DBF4: variants seen among roughly 807,000 people sequenced by gnomAD.
DBF4 encodes the protein DBF4-CDC7 kinase regulatory subunit.
A neutral mutation model predicts 76.6 loss-of-function variants in DBF4; 25 were observed. That is an observed-to-expected ratio of 0.33 (90% CI 0.24 to 0.46). The LOEUF (loss-of-function observed/expected upper bound fraction) is 0.46, where lower values mean the gene tolerates loss of function less well. Ranked by LOEUF, DBF4 falls within the 20% of genes least tolerant of loss-of-function variation. The pLI is 1.00. For missense variants in DBF4, 638 were observed against 760.8 expected, an observed-to-expected ratio of 0.84 and a Z score of 1.90; for synonymous variants, 213 against 258.0, an observed-to-expected ratio of 0.83 and a Z score of 1.67.
At chr7:87,891,601 A>T (rs1030473395) in intron 6 of DBF4, among the ~76,000 whole-genome samples, 5 of 152,146 alleles carry the variant, frequency 3.3e-5, no homozygotes, top group African/African-American at 9.7e-5. Context: ...TAACTTTGTA[A>T]TGTCTATGGG....
chr7:87,881,610 T>A (rs1011731757), intron 2 of DBF4, among the ~76,000 whole-genome samples: 1 of 152,222 alleles, frequency 6.6e-6, no homozygotes, highest in Non-Finnish European at 1.5e-5. Context: ...GATGAAGATT[T>A]GGGCATGTGG....
intron 1 of DBF4, 51 bp downstream of exon 1, chr7:87,876,829 G>C (rs1325913196): frequency 6.3e-7 from 1 of 1,597,150 alleles, no homozygotes; most frequent in Non-Finnish European, 8.6e-7. Context: ...TCCTCCCCTC[G>C]TGGTTCCACC....
intron 6 of DBF4, among the ~76,000 whole-genome samples, chr7:87,895,697 T>C (rs1233876263): frequency 6.6e-6 from 1 of 152,228 alleles, no homozygotes; most frequent in Non-Finnish European, 1.5e-5. Flanking sequence ...TCTAACTTGC[T>C]CTTTTCATGG....
At chr7:87,897,194 T>A in intron 7 of DBF4, 100 bp from the exon 8 acceptor site, 2 of 1,146,706 alleles carry the variant, frequency 1.7e-6, no homozygotes, top group Non-Finnish European at 2.5e-6. Flanking sequence ...GGATACATAG[T>A]TTTTTGTTTG....
chr7:87,903,335 C>A (rs1011350462), intron 10 of DBF4, among the ~76,000 whole-genome samples: 10 of 152,126 alleles, frequency 6.6e-5, no homozygotes, highest in Non-Finnish European at 1.3e-4. Flanking sequence ...CTCCTTGGCT[C>A]CCCAAAGTGC....
chr7:87,890,389 C>T (rs770855356), intron 6 of DBF4, among the ~76,000 whole-genome samples: 6 of 151,966 alleles, frequency 3.9e-5, no homozygotes, highest in African/African-American at 4.8e-5. Context: ...CAAAAATGCC[C>T]GGTGTGGTGG....
At position 87,878,171 on chromosome 7, in the gene DBF4, AC is replaced by A; in HGVS notation, c.167del (p.Pro56LeufsTer81). Reference sequence around the variant, plus strand: ...GGGGAAAAGTATTTTACCTTGACTTACCTTCTGTCACCATATCTGAAAAACT... The same window carrying A: ...GGGGAAAAGTATTTTACCTTGACTTACTTCTGTCACCATATCTGAAAAACT... ...LWGKVFYLDL[P>X]SVTISEKLQK... On this transcript the variant is annotated frameshift_variant, in exon 2 of 12. Transcript: ENST00000265728. LOFTEE classifies it high-confidence loss of function. The A allele has an allele frequency of 6.2e-7, 1 of 1,613,356 alleles. No individual in the cohort carries two copies.
chr7:87,878,457 A>T, intron 2 of DBF4: 1 of 390,138 alleles, frequency 2.6e-6, no homozygotes, highest in Non-Finnish European at 4.6e-6. Context: ...AGAGTGTAAG[A>T]CTCCCCTGTC....
At chr7:87,898,456 C>T (rs968757378) in intron 8 of DBF4, among the ~76,000 whole-genome samples, 6 of 151,924 alleles carry the variant, frequency 3.9e-5, no homozygotes, top group African/African-American at 9.7e-5. Flanking sequence ...AGAATTCATA[C>T]GGAATTGTAA....
intron 10 of DBF4, 96 bp from the exon 11 acceptor site, chr7:87,904,196 T>C (rs1839861648): frequency 2.8e-5 from 37 of 1,310,156 alleles, no homozygotes; most frequent in Non-Finnish European, 3.7e-5. Context: ...GGAAACCTAA[T>C]TTTAGGGGCA....
chr7:87,904,337 T>A lies in DBF4; in HGVS notation c.970T>A (p.Tyr324Asn). ...CAGAAACTTTGCACAGAGTAACCAGTATCAAGTTGTTGATGATATTGTATC... is the reference window on the plus strand; with the variant it reads ...CAGAAACTTTGCACAGAGTAACCAGAATCAAGTTGTTGATGATATTGTATC... ...QHRNFAQSNQ[Y>N]QVVDDIVSKL... is the part of the protein sequence containing the mutation. Residue 324 changes from tyrosine to asparagine, a missense_variant, in exon 11 of 12, where the codon TAT (tyrosine) becomes AAT (asparagine). Tyr to Asn is a moderately radical substitution (Grantham distance 143). Coordinates refer to ENST00000265728, the MANE Select transcript of DBF4 (RefSeq NM_006716.4). The A allele has an allele frequency of 1.4e-5, 22 of 1,614,008 alleles. No homozygotes were observed. Among genetic ancestry groups the A allele is most frequent in the Non-Finnish European group, 1.9e-5 (22 of 1,179,916 alleles).
At chr7:87,885,375 C>T (rs970929685) in intron 3 of DBF4, among the ~76,000 whole-genome samples, 1 of 152,138 alleles carries the variant, frequency 6.6e-6, no homozygotes, top group South Asian at 2.1e-4. Context: ...CTTAGGTATA[C>T]CCTTGTATTT....
rs531110748 is a variant in DBF4 at position 87,894,954 on chromosome 7, TC to T, written c.598-1519del. Among the ~76,000 whole-genome samples, 10 of 152,212 alleles carry T rather than the reference TC, an allele frequency of 6.6e-5. No individual in the cohort carries two copies. The South Asian group carries it at 2.1e-3, about 32-fold the overall frequency. On this transcript the variant is annotated intron_variant, in intron 6 of 11. Coordinates refer to ENST00000265728, the MANE Select transcript of DBF4 (RefSeq NM_006716.4). The stretch of plus-strand genomic sequence containing the variant: ...CAGCTATTATTTTGTTAATTTTTTT[TC>T]TTCACTAGTCTCTCCCCTCTTTTTC...
intron 10 of DBF4, among the ~76,000 whole-genome samples, chr7:87,902,243 G>C (rs1047087923): frequency 2.0e-5 from 3 of 152,172 alleles, no homozygotes; most frequent in Non-Finnish European, 4.4e-5. Context: ...GTTGAGATTA[G>C]AGGTTGGGAT....
chr7:87,893,338 C>T (rs1047658326), intron 6 of DBF4, among the ~76,000 whole-genome samples: 6 of 151,326 alleles, frequency 4.0e-5, no homozygotes, highest in African/African-American at 1.2e-4. Context: ...CTCCGCTTCC[C>T]GGGTTCACGC....
chr7:87,878,766 C>A (rs1231687899), intron 2 of DBF4, among the ~76,000 whole-genome samples: 2 of 152,116 alleles, frequency 1.3e-5, no homozygotes, highest in East Asian at 3.8e-4. Context: ...AAAACTCAGG[C>A]AAAATTCTAG....
Position 87,876,551 on chromosome 7 carries a change from T to TGGAGCCGGATCC in DBF4, c.-179_-168dup, listed in dbSNP as rs1462818686. 4.8e-5 allele frequency: 31 copies of TGGAGCCGGATCC among 642,214 alleles called. No homozygotes were observed. The highest frequency in any genetic ancestry group is 4.2e-4 in the Middle Eastern group (1 of 2,368). 39.8% of individuals were successfully genotyped at this position (642,214 alleles called of 1,614,324 possible). A position where few individuals can be genotyped will look rare whatever the true frequency, so the allele number is the denominator to read the frequency against. On this transcript the variant is annotated 5_prime_UTR_variant, in exon 1 of 12. Transcript: ENST00000265728. ...CTTTGCGCCTTCCTCCTCCGCGCCTTGGAGCCGGATCCGGCCCCGGAAACC... is the reference window on the plus strand; with the variant it reads ...CTTTGCGCCTTCCTCCTCCGCGCCTTGGAGCCGGATCCGGAGCCGGATCCGGCCCCGGAAACC...
intron 2 of DBF4, among the ~76,000 whole-genome samples, chr7:87,880,043 G>C (rs550239374): frequency 1.3e-5 from 2 of 151,876 alleles, no homozygotes; most frequent in South Asian, 4.2e-4. Flanking sequence ...TTAACTCTAG[G>C]TCTAATGGTC....
Position 87,907,477 on chromosome 7 carries a change from A to T in DBF4, c.1339A>T (p.Asn447Tyr). 6.2e-7 allele frequency: 1 copy of T among 1,614,002 alleles called. No individual in the cohort carries two copies. Among genetic ancestry groups the T allele is most frequent in the Non-Finnish European group, 8.5e-7 (1 of 1,179,928 alleles). ...TACAGCTGAAGATGACATAAGACAG[A>T]ATTTTACACAGCTACCTCTACATAA... ...LSTAEDDIRQ[N>Y]FTQLPLHKNK... The change falls in exon 12 of 12, where the codon AAT (asparagine) becomes TAT (tyrosine). Residue 447 changes from asparagine to tyrosine, a missense_variant. Physicochemically the swap from Asn to Tyr is moderately radical, Grantham distance 143 (BLOSUM62 -2). Transcript: ENST00000265728.
Sources: gnomAD v4.1 joint callset for allele counts (sites outside exome capture counted in the v4.1 genomes callset) on GRCh38, gnomAD v4.1.1 for gene constraint, MANE v1.5 for transcripts, NCBI Gene and HGNC (gene_info 2026-07-23, HGNC 2026-07-21) for gene names.